Variants in EPHA5 observed in about 807,000 individuals in gnomAD.
EPHA5 encodes the protein EPH receptor A5, also known as ephrin type-A receptor 5.
EPHA5 carries 60 observed loss-of-function variants against 105.0 expected under a neutral mutation model. The ratio of observed to expected loss-of-function variants is 0.57; its 90% confidence interval spans 0.46 to 0.71. The LOEUF is 0.71. Ranked by LOEUF, EPHA5 falls within the 30% of genes least tolerant of loss-of-function variation. EPHA5 has a pLI of 0.00. For synonymous variants in EPHA5, 513 were observed against 449.1 expected (o/e 1.14, Z -1.80); for missense variants, 1,218 against 1,274.7 (o/e 0.96, Z 0.68).
At position 65,389,509 on chromosome 4, in the gene EPHA5, G is replaced by A. The variant is rs548045742; in HGVS notation, c.1793+14865C>T. Among the ~76,000 whole-genome samples, 74 of 152,070 alleles carry A rather than the reference G, an allele frequency of 4.9e-4. 1 individual carries two copies. The highest frequency in any genetic ancestry group is 1.8e-3 in the African/African-American group (73 of 41,514). ...TTAAACACTAAGGATATTAATAAAT[G>A]TATTAAACAATTGAATTAAATGATT... On this transcript the variant is annotated intron_variant, in intron 8 of 16. Transcript: ENST00000613740.
intron 6 of EPHA5, among the ~76,000 whole-genome samples, chr4:65,416,321 C>A (rs780388765): frequency 6.6e-6 from 1 of 151,980 alleles, no homozygotes; most frequent in Non-Finnish European, 1.5e-5. Flanking sequence ...CTCTGAACCT[C>A]AGTTTTTTCT....
At chr4:65,331,354 A>G (rs1177401782) in intron 16 of EPHA5, 2 of 1,038,626 alleles carry the variant, frequency 1.9e-6, no homozygotes, top group East Asian at 1.2e-4. Flanking sequence ...TTTATTTAAT[A>G]AGGTTTGATA....
chr4:65,430,559 A>G (rs1445185081), intron 5 of EPHA5, among the ~76,000 whole-genome samples: 2 of 152,074 alleles, frequency 1.3e-5, no homozygotes. Context: ...GACAGTTTAT[A>G]GTTTAAGCAC....
At chr4:65,536,380 T>C (rs898497697) in intron 3 of EPHA5, among the ~76,000 whole-genome samples, 2 of 151,982 alleles carry the variant, frequency 1.3e-5, no homozygotes, top group Non-Finnish European at 2.9e-5. Context: ...CAATGTGTTA[T>C]AGGAAAGCAA....
chr4:65,470,740 A>G (rs1028828153), intron 5 of EPHA5, among the ~76,000 whole-genome samples: 4 of 152,222 alleles, frequency 2.6e-5, no homozygotes, highest in Non-Finnish European at 5.9e-5. Context: ...ACTATCAATT[A>G]TGTTACATAT....
At chr4:65,565,776 A>T (rs1458540322) in intron 3 of EPHA5, among the ~76,000 whole-genome samples, 1 of 151,690 alleles carries the variant, frequency 6.6e-6, no homozygotes, top group Non-Finnish European at 1.5e-5. Flanking sequence ...TGGCAGTTAA[A>T]ATGCAATAAA....
chr4:65,420,358 A>G (rs146531726), intron 6 of EPHA5, 83 bp downstream of exon 6: 2 of 1,346,992 alleles, frequency 1.5e-6, no homozygotes, highest in Non-Finnish European at 2.0e-6. Context: ...ATTGCAACAT[A>G]CTCTTCTGCA....
chr4:65,593,630 T>TG (rs1742892044), intron 3 of EPHA5, among the ~76,000 whole-genome samples: 2 of 152,174 alleles, frequency 1.3e-5, no homozygotes, highest in African/African-American at 4.8e-5. Flanking sequence ...AAACATTACT[T>TG]GCAGCTACAT....
intron 5 of EPHA5, among the ~76,000 whole-genome samples, chr4:65,487,667 C>T (rs1731009185): frequency 6.6e-6 from 1 of 152,114 alleles, no homozygotes; most frequent in Admixed American, 6.6e-5. Flanking sequence ...ACAGATTCAG[C>T]TTCTTATGAT....
At chr4:65,365,783 T>C (rs1717848524) in intron 10 of EPHA5, 149 bp downstream of exon 10, 2 of 677,458 alleles carry the variant, frequency 3.0e-6, no homozygotes, top group African/African-American at 3.6e-5. Flanking sequence ...CACTGAAGGT[T>C]GTATTAAAAT....
chr4:65,567,621 A>C (rs2149368587), intron 3 of EPHA5, among the ~76,000 whole-genome samples: 1 of 151,678 alleles, frequency 6.6e-6, no homozygotes, highest in East Asian at 1.9e-4. Flanking sequence ...CTTTAAAATG[A>C]TTTTTACAGA....
At chr4:65,541,500 A>T (rs540641202) in intron 3 of EPHA5, among the ~76,000 whole-genome samples, 1 of 152,114 alleles carries the variant, frequency 6.6e-6, no homozygotes, top group East Asian at 1.9e-4. Flanking sequence ...AAAAGAGACA[A>T]AGAAGGGCAT....
At chr4:65,533,888 C>T (rs1736052662) in intron 3 of EPHA5, among the ~76,000 whole-genome samples, 1 of 151,468 alleles carries the variant, frequency 6.6e-6, no homozygotes. Context: ...GAGATGAGAT[C>T]CCTCATTGCA....
At chr4:65,607,634 A>G (rs1053222619) in intron 2 of EPHA5, among the ~76,000 whole-genome samples, 1 of 152,246 alleles carries the variant, frequency 6.6e-6, no homozygotes, top group African/African-American at 2.4e-5. Context: ...ACAGTGAGTT[A>G]CCATCTCATG....
At chr4:65,482,960 A>C (rs1034122300) in intron 5 of EPHA5, among the ~76,000 whole-genome samples, 2 of 151,636 alleles carry the variant, frequency 1.3e-5, no homozygotes, top group Admixed American at 1.3e-4. Flanking sequence ...TGCTGCACCC[A>C]TTGACTCGTC....
At chr4:65,484,016 G>A (rs73222171) in intron 5 of EPHA5, among the ~76,000 whole-genome samples, 23,361 of 152,124 alleles carry the variant, frequency 0.15, 1,946 homozygotes, top group East Asian at 0.21. Flanking sequence ...AATTAATCTT[G>A]TAAAACAAAA....
chr4:65,536,867 AT>A (rs1469554150), intron 3 of EPHA5, among the ~76,000 whole-genome samples: 1 of 151,816 alleles, frequency 6.6e-6, no homozygotes, highest in Non-Finnish European at 1.5e-5. Flanking sequence ...GGAAATGTAA[AT>A]TAAAATTAAT....
intron 7 of EPHA5, among the ~76,000 whole-genome samples, chr4:65,408,566 GC>G (rs568393484): frequency 0.033 from 1,843 of 55,456 alleles, 14 homozygotes; most frequent in Non-Finnish European, 0.058. Flanking sequence ...AGACTTTTAT[GC>G]AGCCAAAAAA....
intron 11 of EPHA5, among the ~76,000 whole-genome samples, chr4:65,356,083 C>G (rs966934187): frequency 2.0e-5 from 3 of 151,506 alleles, no homozygotes; most frequent in African/African-American, 7.3e-5. Context: ...CTTGGCACCT[C>G]TCAGCTCATA....
Sources: allele counts gnomAD v4.1 joint callset (sites outside exome capture counted in the v4.1 genomes callset), GRCh38; gene constraint gnomAD v4.1.1; transcripts MANE v1.5; gene names NCBI Gene and HGNC (gene_info 2026-07-23, HGNC 2026-07-21).